The following USP3 variants were observed in gnomAD, a reference collection of about 807,000 sequenced individuals.
USP3 encodes the protein ubiquitin specific peptidase 3.
USP3 carries 20 observed loss-of-function variants against 72.3 expected under a neutral mutation model. That is an observed-to-expected ratio of 0.28 (90% CI 0.19 to 0.40). The LOEUF is 0.40. USP3 is among the 10% of genes least tolerant of loss of function. The pLI, the probability that USP3 is intolerant of heterozygous loss-of-function variation, is 1.00. For missense variants in USP3, 479 were observed against 633.9 expected (o/e 0.76, Z 2.62); for synonymous variants, 222 against 225.3 (o/e 0.99, Z 0.13).
intron 1 of USP3, among the ~76,000 whole-genome samples, chr15:63,506,229 C>T (rs1389082788): frequency 1.3e-5 from 2 of 152,110 alleles, no homozygotes; most frequent in Admixed American, 6.5e-5. Context: ...GTAAATCTGT[C>T]GGGATGTTGA....
At chr15:63,537,230 T>C (rs892761004) in intron 3 of USP3, 74 bp downstream of exon 3, 26 of 1,501,886 alleles carry the variant, frequency 1.7e-5, no homozygotes, top group Non-Finnish European at 2.2e-5. Context: ...CTTCCCTCAG[T>C]CTCTAAGCCA....
chr15:63,533,761 TG>T, intron 2 of USP3: 1 of 884,138 alleles, frequency 1.1e-6, no homozygotes, highest in South Asian at 1.6e-5. Flanking sequence ...AAATGTTAAC[TG>T]CATTTCTTAA....
intron 11 of USP3, among the ~76,000 whole-genome samples, chr15:63,583,427 C>T (rs961629188): frequency 2.0e-5 from 3 of 152,014 alleles, no homozygotes; most frequent in African/African-American, 7.2e-5. Flanking sequence ...TATACTCCAG[C>T]CTGCATGACA....
chr15:63,572,975 A>G (rs1282712899), intron 9 of USP3, among the ~76,000 whole-genome samples: 2 of 152,152 alleles, frequency 1.3e-5, no homozygotes, highest in Non-Finnish European at 2.9e-5. Context: ...TAATTGATTG[A>G]CTAGATGGAA....
At chr15:63,534,158 C>T (rs2066118564) in intron 2 of USP3, among the ~76,000 whole-genome samples, 1 of 152,140 alleles carries the variant, frequency 6.6e-6, no homozygotes, top group Non-Finnish European at 1.5e-5. Context: ...AGAAATTTGA[C>T]ATAGTTTTGG....
chr15:63,555,954 A>T (rs2066500779), intron 4 of USP3, among the ~76,000 whole-genome samples: 2 of 152,248 alleles, frequency 1.3e-5, no homozygotes, highest in African/African-American at 4.8e-5. Context: ...TTGTTTAACC[A>T]TAATTTTTAC....
At position 63,505,852 on chromosome 15, in the gene USP3, C is replaced by A. The variant is rs144420624; in HGVS notation, c.91+1022C>A. Among the ~76,000 whole-genome samples the A allele has an allele frequency of 2.1e-4, 32 of 152,206 alleles. No homozygotes were observed. The East Asian group carries it at 6.0e-3, about 28-fold the overall frequency. Reference sequence around the variant, plus strand: ...TTGTGCACTTCAGAAATCTGAAGTTCATTTGAAGAAATATAGAAAAACGGC... The same window carrying A: ...TTGTGCACTTCAGAAATCTGAAGTTAATTTGAAGAAATATAGAAAAACGGC... On this transcript the variant is annotated intron_variant, in intron 1 of 14. Coordinates refer to ENST00000380324, the MANE Select transcript of USP3 (RefSeq NM_006537.4).
chr15:63,505,956 T>G (rs1437756720), intron 1 of USP3, among the ~76,000 whole-genome samples: 1 of 152,242 alleles, frequency 6.6e-6, no homozygotes, highest in Non-Finnish European at 1.5e-5. Context: ...TTAGCACTTT[T>G]GACAGCTTAC....
Position 63,553,860 on chromosome 15 carries a change from T to C in USP3, c.368+62T>C, listed in dbSNP as rs1177995896. ...AATGGGGTTGAGGAGTCTTTTAGAA[T>C]TTTTGAGTGGGGTTTTTGTTGATGA... is the stretch of plus-strand genomic sequence containing the variant. On this transcript the variant is annotated intron_variant, in intron 4 of 14. Coordinates refer to ENST00000380324, the MANE Select transcript of USP3 (RefSeq NM_006537.4). This position sits in a 1 kb window ranked among gnomAD's most constrained non-coding sequence, Gnocchi z 4.2. 2.2e-6 allele frequency: 3 copies of C among 1,334,936 alleles called. No homozygotes were observed. Among genetic ancestry groups the C allele is most frequent in the Non-Finnish European group, 3.1e-6 (3 of 963,916 alleles). 82.7% of individuals were successfully genotyped at this position (1,334,936 alleles called of 1,614,324 possible). A position where few individuals can be genotyped will look rare whatever the true frequency, so the allele number is the denominator to read the frequency against.
At chr15:63,535,783 T>C (rs2066146442) in intron 2 of USP3, among the ~76,000 whole-genome samples, 2 of 152,212 alleles carry the variant, frequency 1.3e-5, no homozygotes, top group African/African-American at 4.8e-5. Flanking sequence ...ACGGTAACTC[T>C]CCTACTTCCT....
intron 1 of USP3, among the ~76,000 whole-genome samples, chr15:63,512,617 G>C (rs1298108179): frequency 6.6e-6 from 1 of 151,842 alleles, no homozygotes; most frequent in African/African-American, 2.4e-5. Context: ...GCTAATTTTT[G>C]TGTTTTTAGT....
intron 1 of USP3, among the ~76,000 whole-genome samples, chr15:63,524,474 C>T (rs1035479097): frequency 5.3e-5 from 8 of 152,172 alleles, no homozygotes; most frequent in Non-Finnish European, 8.8e-5. Context: ...CTAAAGCAAC[C>T]ATTTCATTTT....
intron 4 of USP3, among the ~76,000 whole-genome samples, chr15:63,556,025 T>C (rs2066502130): frequency 6.6e-6 from 1 of 152,174 alleles, no homozygotes; most frequent in South Asian, 2.1e-4. Flanking sequence ...AAAATAGAAA[T>C]AACTTTCTGA....
Position 63,517,134 on chromosome 15 carries a change from G to A in USP3, c.91+12304G>A, listed in dbSNP as rs1207564564. ...TATACATGTGCCATGTTGGTGTGCT[G>A]CACCCATTAACTCGTCATTAGGCTT... On this transcript the variant is annotated intron_variant, in intron 1 of 14. Coordinates refer to ENST00000380324, the MANE Select transcript of USP3 (RefSeq NM_006537.4). Among the ~76,000 whole-genome samples, 3 of 151,782 alleles carry A rather than the reference G, an allele frequency of 2.0e-5. 1 individual carries two copies. Among genetic ancestry groups the A allele is most frequent in the South Asian group, 4.2e-4 (2 of 4,808 alleles).
chr15:63,560,045 C>G, intron 7 of USP3, 75 bp downstream of exon 7: 1 of 1,240,112 alleles, frequency 8.1e-7, no homozygotes, highest in Non-Finnish European at 1.1e-6. Context: ...TTCCATTGTA[C>G]TAAGTGAGCT....
rs1322403589 is a variant in USP3 at position 63,590,811 on chromosome 15, A to C, written c.1548A>C (p.Gly516=). ...ACGTGGAACACCAGGCCAAAGCTGG[A>C]TCGGATAAACTTTAATACCTCCTCC... The part of the protein sequence containing the change: ...LFYVEHQAKA[G]SDKL The change falls in exon 15 of 15, where the codon GGA becomes GGC. Residue 516 remains glycine, a synonymous_variant. Coordinates refer to ENST00000380324, the MANE Select transcript of USP3 (RefSeq NM_006537.4). The C allele has an allele frequency of 6.2e-7, 1 of 1,612,986 alleles. No individual in the cohort carries two copies. The highest frequency in any genetic ancestry group is 1.1e-5 in the South Asian group (1 of 90,800).
At chr15:63,546,742 G>T (rs1295339795) in intron 3 of USP3, among the ~76,000 whole-genome samples, 5 of 152,104 alleles carry the variant, frequency 3.3e-5, no homozygotes, top group African/African-American at 1.2e-4. Flanking sequence ...TGGGACTACA[G>T]GTGCCCGCCA....
intron 1 of USP3, among the ~76,000 whole-genome samples, 187 bp downstream of exon 1, chr15:63,505,017 TCCCGAGG>T (rs2065690192): frequency 6.7e-6 from 1 of 150,318 alleles, no homozygotes; most frequent in African/African-American, 2.4e-5. Context: ...CTCCTTTGTT[TCCCGAGG>T]CCCGACGGCC....
intron 8 of USP3, among the ~76,000 whole-genome samples, chr15:63,563,319 C>T (rs1010255318): frequency 1.3e-5 from 2 of 152,124 alleles, no homozygotes; most frequent in African/African-American, 4.8e-5. Flanking sequence ...AATTCTTTCA[C>T]AATGTAGAAT....
Sources: gnomAD v4.1 joint callset for allele counts (sites outside exome capture counted in the v4.1 genomes callset) on GRCh38, gnomAD v4.1.1 for gene constraint, Gnocchi (gnomAD v3.1) non-coding constraint, MANE v1.5 for transcripts, NCBI Gene and HGNC (gene_info 2026-07-23, HGNC 2026-07-21) for gene names.